Variants in B3GAT1 observed in about 807,000 individuals in gnomAD.
The protein encoded by B3GAT1 is beta-1,3-glucuronyltransferase 1.
Under a neutral mutation model 28.4 loss-of-function variants are expected in B3GAT1, and 11 were observed. The ratio of observed to expected loss-of-function variants is 0.39; its 90% CI spans 0.24 to 0.64. The LOEUF (loss-of-function observed/expected upper bound fraction) is 0.64, where lower values mean the gene tolerates loss of function less well. B3GAT1 is among the 30% of genes least tolerant of loss of function. The pLI is 0.50. For synonymous variants in B3GAT1, 255 were observed against 223.1 expected, an observed-to-expected ratio of 1.14 and a Z score of -1.27; for missense variants, 375 against 491.0, an observed-to-expected ratio of 0.76 and a Z score of 2.23.
intron 4 of B3GAT1, 52 bp from the exon 5 acceptor site, chr11:134,382,076 T>C (rs1565447794): frequency 6.6e-7 from 1 of 1,510,090 alleles, no homozygotes; most frequent in East Asian, 2.3e-5. Flanking sequence ...GACCTCACTC[T>C]GCTGCCTCCC....
chr11:134,402,558 T>G (rs1396207565), intron 1 of B3GAT1, among the ~76,000 whole-genome samples: 2 of 151,976 alleles, frequency 1.3e-5, no homozygotes, highest in East Asian at 3.9e-4. Context: ...GCCCCTAAGG[T>G]CCCTCCCTCC....
In B3GAT1 at chr11:134,412,198, G is replaced by C. The variant is rs1944876351; in HGVS notation, c.-673C>G. ...GAGCCGAGCCGACCGGGCCGGCGCA[G>C]AGTCCCCGAGGTGGCGGCGGATGCG... On this transcript the variant is annotated 5_prime_UTR_variant, in exon 1 of 6. Transcript: ENST00000312527. 6.9e-6 allele frequency among the ~76,000 whole-genome samples: 1 copy of C among 145,010 alleles called. No homozygotes were observed. The highest frequency in any genetic ancestry group is 2.5e-5 in the African/African-American group (1 of 40,408).
intron 2 of B3GAT1, chr11:134,387,244 C>A (rs1181390815): frequency 5.6e-6 from 2 of 354,192 alleles, no homozygotes; most frequent in Non-Finnish European, 1.0e-5. Context: ...CACCTCCGAC[C>A]TCAGCACTTC....
chr11:134,394,478 G>A (rs199839615), intron 1 of B3GAT1, among the ~76,000 whole-genome samples: 11 of 151,752 alleles, frequency 7.2e-5, no homozygotes, highest in Admixed American at 2.0e-4. Flanking sequence ...GCCCACCCTC[G>A]TGCCCACCCA....
chr11:134,410,544 C>A (rs1055710963), intron 1 of B3GAT1, among the ~76,000 whole-genome samples: 10 of 152,198 alleles, frequency 6.6e-5, no homozygotes, highest in Admixed American at 3.3e-4. Context: ...AGGGTCTTCA[C>A]CCCATGGGAA....
At chr11:134,382,686 T>G in intron 4 of B3GAT1, 24 bp downstream of exon 4, 1 of 1,601,860 alleles carries the variant, frequency 6.2e-7, no homozygotes. Context: ...GCATCACAGC[T>G]GTCAGTTCTG....
intron 3 of B3GAT1, 100 bp from the exon 4 acceptor site, chr11:134,383,106 C>T (rs2136302640): frequency 7.5e-7 from 1 of 1,342,040 alleles, no homozygotes; most frequent in South Asian, 1.5e-5. Context: ...TCTATCTATG[C>T]CCATGGCCAG....
At position 134,384,200 on chromosome 11, in the gene B3GAT1, G is replaced by A; in HGVS notation, c.113-12C>T. 6.6e-7 allele frequency: 1 copy of A among 1,525,074 alleles called. No individual in the cohort carries two copies. The highest frequency in any genetic ancestry group is 8.8e-7 in the Non-Finnish European group (1 of 1,137,324). 94.5% of individuals were successfully genotyped at this position (1,525,074 alleles called of 1,614,324 possible). ...GTCACTGCCCTCATCTGCGGAGTCGGGAGACCGGCGATGTGGGAGGAGAGC... is the reference window on the plus strand; with the variant it reads ...GTCACTGCCCTCATCTGCGGAGTCGAGAGACCGGCGATGTGGGAGGAGAGC... On this transcript the variant is annotated splice_polypyrimidine_tract_variant and intron_variant, in intron 2 of 5. Coordinates refer to ENST00000312527, the MANE Select transcript of B3GAT1 (RefSeq NM_054025.3).
At chr11:134,394,571 C>T (rs1446857749) in intron 1 of B3GAT1, among the ~76,000 whole-genome samples, 1 of 152,226 alleles carries the variant, frequency 6.6e-6, no homozygotes, top group Non-Finnish European at 1.5e-5. Flanking sequence ...CCGAGTGCCC[C>T]CAGGAAGGCA....
In B3GAT1 at chr11:134,384,206, C is replaced by G. The variant is rs746984559; in HGVS notation, c.113-18G>C. ...GCCCTCATCTGCGGAGTCGGGAGACCGGCGATGTGGGAGGAGAGCGCCGGC... is the reference window on the plus strand; with the variant it reads ...GCCCTCATCTGCGGAGTCGGGAGACGGGCGATGTGGGAGGAGAGCGCCGGC... On this transcript the variant is annotated intron_variant, in intron 2 of 5. Transcript: ENST00000312527. 16 of 1,521,378 alleles carry G rather than the reference C, an allele frequency of 1.1e-5. No homozygotes were observed. The highest frequency in any genetic ancestry group is 1.4e-5 in the Non-Finnish European group (16 of 1,136,048). 94.2% of individuals were successfully genotyped at this position (1,521,378 alleles called of 1,614,324 possible).
At chr11:134,397,682 C>T (rs919411293) in intron 1 of B3GAT1, among the ~76,000 whole-genome samples, 1 of 152,240 alleles carries the variant, frequency 6.6e-6, no homozygotes, top group African/African-American at 2.4e-5. Flanking sequence ...AGAGGGTTCT[C>T]AAGTTGAGTC....
At chr11:134,392,706 G>T (rs150669430) in intron 1 of B3GAT1, among the ~76,000 whole-genome samples, 1 of 152,104 alleles carries the variant, frequency 6.6e-6, no homozygotes, top group Non-Finnish European at 1.5e-5. Context: ...GGTGCTGTGC[G>T]CTGTGAATAA....
intron 1 of B3GAT1, among the ~76,000 whole-genome samples, chr11:134,398,209 C>G (rs1944541624): frequency 6.6e-6 from 1 of 152,238 alleles, no homozygotes; most frequent in African/African-American, 2.4e-5. Flanking sequence ...CCCCGTGAGT[C>G]AGCACACGTG....
In B3GAT1 at chr11:134,387,624, G is replaced by A; in HGVS notation, c.36C>T (p.Leu12=). ...PKRRDILAIV[L]IVLPWTLLIT... is the part of the protein sequence containing the mutation. The stretch of plus-strand genomic sequence containing the variant: ...TGAGCAGAGTCCAGGGCAGCACGAT[G>A]AGGACGATCGCTAGGATGTCCCGTC... The change falls in exon 2 of 6, where the codon CTC becomes CTT. Residue 12 remains leucine (L), a synonymous_variant. Transcript: ENST00000312527. The A allele has an allele frequency of 6.2e-7, 1 of 1,614,160 alleles. No individual in the cohort carries two copies. Among genetic ancestry groups the A allele is most frequent in the South Asian group, 1.1e-5 (1 of 91,086 alleles).
In B3GAT1 at chr11:134,380,450, C is replaced by T. The variant is rs1419865997; in HGVS notation, c.*312G>A. The T allele has an allele frequency of 6.6e-6, 1 of 152,504 alleles. No individual in the cohort carries two copies. The highest frequency in any genetic ancestry group is 1.5e-5 in the Non-Finnish European group (1 of 68,054). 9.4% of individuals were successfully genotyped at this position (152,504 alleles called of 1,614,324 possible). The stretch of plus-strand genomic sequence containing the variant: ...GCCCACTGCACCTGCTCCTGCAGCC[C>T]CGTCAGTGCGGGGAGCTCTGGGGAG... On this transcript the variant is annotated 3_prime_UTR_variant, in exon 6 of 6. Coordinates refer to ENST00000312527, the MANE Select transcript of B3GAT1 (RefSeq NM_054025.3).
chr11:134,389,996 G>T (rs1051608271), intron 1 of B3GAT1: 4 of 152,156 alleles, frequency 2.6e-5, no homozygotes, highest in African/African-American at 9.7e-5. Flanking sequence ...CCCACACCCC[G>T]CCATCAGAGG....
chr11:134,390,472 C>T (rs991055579), intron 1 of B3GAT1: 1 of 152,264 alleles, frequency 6.6e-6, no homozygotes, highest in East Asian at 1.9e-4. Flanking sequence ...GGTGCAGGTT[C>T]TAATACCAGG....
chr11:134,408,329 G>A (rs1944776570), intron 1 of B3GAT1, among the ~76,000 whole-genome samples: 1 of 104,652 alleles, frequency 9.6e-6, no homozygotes, highest in Non-Finnish European at 1.9e-5. Context: ...GTGGGGTGAG[G>A]AGGGAGGTGG....
intron 2 of B3GAT1, chr11:134,385,144 T>C (rs1353923058): frequency 6.6e-6 from 1 of 152,228 alleles, no homozygotes; most frequent in Non-Finnish European, 1.5e-5. Context: ...TATCGAGTTA[T>C]TATGTGGATT....
Sources: gnomAD v4.1 joint callset for allele counts (sites outside exome capture counted in the v4.1 genomes callset) on GRCh38, gnomAD v4.1.1 for gene constraint, MANE v1.5 for transcripts, NCBI Gene and HGNC (gene_info 2026-07-23, HGNC 2026-07-21) for gene names.